The following PRG4 variants were observed in gnomAD, a reference collection of about 807,000 sequenced individuals.
The protein encoded by PRG4 is proteoglycan 4.
PRG4 carries 61 observed loss-of-function variants against 91.2 expected under a neutral mutation model. The ratio of observed to expected loss-of-function variants is 0.67; its 90% CI spans 0.54 to 0.83. The LOEUF is 0.83. Among genes scored for constraint, PRG4 ranks in the 40% least tolerant of loss-of-function variants. The probability of loss-of-function intolerance (pLI) is 0.00; values close to 1 mark genes in which losing one functional copy is unlikely to be tolerated. For synonymous variants in PRG4, 576 were observed against 614.2 expected, an observed-to-expected ratio of 0.94 and a Z score of 0.92; for missense variants, 1,564 against 1,714.2, an observed-to-expected ratio of 0.91 and a Z score of 1.55.
intron 7 of PRG4, 115 bp from the exon 8 acceptor site, chr1:186,309,678 T>C: frequency 3.7e-6 from 3 of 802,650 alleles, no homozygotes; most frequent in Middle Eastern, 2.7e-4. Flanking sequence ...ACTGTGTCCT[T>C]CAAGATCTTA....
chr1:186,312,974 AATG>A lies in PRG4; in HGVS notation c.4117+85_4117+87del, dbSNP rs1370335581. 7.0e-5 allele frequency: 99 copies of A among 1,416,056 alleles called. 2 individuals carry two copies. The South Asian group carries it at 1.0e-3, about 15-fold the overall frequency. The allele number at this position is 1,416,056 out of a possible 1,614,324, so 87.7% of individuals were successfully genotyped here. A position where few individuals can be genotyped will look rare whatever the true frequency, so the allele number is the denominator to read the frequency against. ...AAGATAAAGTAAAAATGCTGGCTGC[AATG>A]ATGACTGAATGTGAGAAGTTACACT... On this transcript the variant is annotated intron_variant, in intron 12 of 12. Transcript: ENST00000445192.
chr1:186,300,267 G>A (rs2102010092), intron 3 of PRG4, 54 bp downstream of exon 3: 2 of 1,611,128 alleles, frequency 1.2e-6, no homozygotes, highest in East Asian at 4.5e-5. Flanking sequence ...GAGTCTGTGA[G>A]TCCCCCCTTG....
At chr1:186,305,176 G>A (rs1019083596) in intron 6 of PRG4, among the ~76,000 whole-genome samples, 3 of 152,200 alleles carry the variant, frequency 2.0e-5, no homozygotes, top group African/African-American at 4.8e-5. Flanking sequence ...TGGCACCAGA[G>A]ATGATTATTG....
chr1:186,308,212 C>G lies in PRG4; in HGVS notation c.2493C>G (p.Pro831=). ...CTAAGGAGACTGCTCCAACTACCCCCAAGGAGCCTGCACCCACTACCCCCA... is the reference window on the plus strand; with the variant it reads ...CTAAGGAGACTGCTCCAACTACCCCGAAGGAGCCTGCACCCACTACCCCCA... The part of the protein sequence containing the change: ...TTPKETAPTT[P]KEPAPTTPKK... Residue 831 remains proline (P), a synonymous_variant, in exon 7 of 13, where the codon CCC becomes CCG. Transcript: ENST00000445192. The G allele has an allele frequency of 6.2e-7, 1 of 1,610,504 alleles. No homozygotes were observed. The highest frequency in any genetic ancestry group is 8.5e-7 in the Non-Finnish European group (1 of 1,178,810).
chr1:186,304,870 C>T lies in PRG4; in HGVS notation c.546C>T (p.Ile182=). 6.2e-7 allele frequency: 1 copy of T among 1,613,148 alleles called. No individual in the cohort carries two copies. Among genetic ancestry groups the T allele is most frequent in the Non-Finnish European group, 8.5e-7 (1 of 1,179,358 alleles). Residue 182 remains isoleucine (I), a synonymous_variant, in exon 6 of 13, where the codon ATC becomes ATT. Transcript: ENST00000445192. ...CTTCTTCTTCAACAATTCGGAAAATCAAGTCTTCCAAAAATTCAGCTGCTA... is the reference window on the plus strand; with the variant it reads ...CTTCTTCTTCAACAATTCGGAAAATTAAGTCTTCCAAAAATTCAGCTGCTA... The part of the protein sequence containing the change: ...SSSSSSTIRK[I]KSSKNSAANR...
Position 186,312,274 on chromosome 1 carries a change from A to T in PRG4, c.3893A>T (p.Gln1298Leu), listed in dbSNP as rs1183788810. The change falls in exon 11 of 13, where the codon CAG becomes CTG. Residue 1298 changes from glutamine to leucine, a missense_variant. This residue lies in a region of PRG4 where 1,079 missense variants were observed against 1,162.2 expected (regional missense o/e 0.93). Coordinates refer to ENST00000445192, the MANE Select transcript of PRG4 (RefSeq NM_005807.6). Reference protein sequence around the residue: ...LNYPVYGETTQVRRRRFERAI... With the variant: ...LNYPVYGETTLVRRRRFERAI... ...TATCCAGTGTATGGAGAAACGACAC[A>T]GGTTAGGAGACGTCGCTTTGAACGT... 1.9e-6 allele frequency: 3 copies of T among 1,614,026 alleles called. No homozygotes were observed. The highest frequency in any genetic ancestry group is 2.5e-6 in the Non-Finnish European group (3 of 1,179,944).
In PRG4 at chr1:186,304,789, T is replaced by C. The variant is rs1656442357; in HGVS notation, c.470-5T>C. 1.2e-6 allele frequency: 2 copies of C among 1,610,870 alleles called. No homozygotes were observed. The highest frequency in any genetic ancestry group is 4.5e-5 in the East Asian group (2 of 44,778). The stretch of plus-strand genomic sequence containing the variant: ...GTGTGATCAAACTTTCTATTTGATT[T>C]ATAGAACATTCTGTTTCTGAAAATC... On this transcript the variant is annotated splice_region_variant and splice_polypyrimidine_tract_variant and intron_variant, in intron 5 of 12. Transcript: ENST00000445192.
Position 186,312,174 on chromosome 1 carries a change from G to A in PRG4, c.3794-1G>A. ...CCATGTGATATTCTAATACATAACA[G>A]GTGGCAGCATTCAGCAGTATATTTA... On this transcript the variant is annotated splice_acceptor_variant, in intron 10 of 12. Transcript: ENST00000445192. LOFTEE classifies it high-confidence loss of function. 6.2e-7 allele frequency: 1 copy of A among 1,613,222 alleles called. No homozygotes were observed. Among genetic ancestry groups the A allele is most frequent in the African/African-American group, 1.3e-5 (1 of 74,978 alleles).
rs758273870 is a variant in PRG4 at position 186,313,789 on chromosome 1, A to G, written c.*11A>G. On this transcript the variant is annotated 3_prime_UTR_variant, in exon 13 of 13. Coordinates refer to ENST00000445192, the MANE Select transcript of PRG4 (RefSeq NM_005807.6). Reference sequence around the variant, plus strand: ...TACAACTGTCCTTAGACTGATGAGCAAAGGAGGAGTCAACTAATGAAGAAA... The same window carrying G: ...TACAACTGTCCTTAGACTGATGAGCGAAGGAGGAGTCAACTAATGAAGAAA... 103 of 1,570,132 alleles carry G rather than the reference A, an allele frequency of 6.6e-5. No homozygotes were observed. The highest frequency in any genetic ancestry group is 8.4e-5 in the Non-Finnish European group (96 of 1,140,154).
Position 186,309,013 on chromosome 1 carries a change from T to C in PRG4, c.3294T>C (p.Gly1098=). The C allele has an allele frequency of 6.2e-7, 1 of 1,611,152 alleles. No homozygotes were observed. The highest frequency in any genetic ancestry group is 8.5e-7 in the Non-Finnish European group (1 of 1,178,156). Residue 1098 remains glycine, a synonymous_variant, in exon 7 of 13, where the codon GGT becomes GGC. Coordinates refer to ENST00000445192, the MANE Select transcript of PRG4 (RefSeq NM_005807.6). The part of the protein sequence containing the change: ...VEVNPKSEDA[G]GAEGETPHML... ...TAAATCCAAAGAGTGAAGATGCAGGTGGTGCTGAAGGAGAAACACCTCATA... is the reference window on the plus strand; with the variant it reads ...TAAATCCAAAGAGTGAAGATGCAGGCGGTGCTGAAGGAGAAACACCTCATA...
chr1:186,302,219 C>T (rs1018966468), intron 4 of PRG4, among the ~76,000 whole-genome samples: 3 of 152,188 alleles, frequency 2.0e-5, no homozygotes, highest in Non-Finnish European at 2.9e-5. Context: ...CTACCTAACA[C>T]GTTGTTAACT....
chr1:186,312,624 C>G (rs1657350109), intron 11 of PRG4, 145 bp from the exon 12 acceptor site: 1 of 904,992 alleles, frequency 1.1e-6, no homozygotes, highest in African/African-American at 1.7e-5. Context: ...TACTTCTTAC[C>G]AAGAACATTA....
At chr1:186,310,686 GA>G (rs1371790511) in intron 8 of PRG4, among the ~76,000 whole-genome samples, 1 of 129,660 alleles carries the variant, frequency 7.7e-6, no homozygotes, top group Admixed American at 7.4e-5. Context: ...TTTTTTTGTA[GA>G]GACAGGGTTT....
intron 3 of PRG4, among the ~76,000 whole-genome samples, chr1:186,300,720 G>C (rs548534375): frequency 6.6e-6 from 1 of 152,314 alleles, no homozygotes; most frequent in East Asian, 1.9e-4. Context: ...AAGATAAAGT[G>C]CTAGTGTTTA....
At chr1:186,303,714 A>G (rs188149483) in intron 4 of PRG4, among the ~76,000 whole-genome samples, 1 of 152,320 alleles carries the variant, frequency 6.6e-6, no homozygotes, top group Non-Finnish European at 1.5e-5. Context: ...AAACAGAAAA[A>G]AATGAATACT....
rs1452703126 is a variant in PRG4 at position 186,304,811 on chromosome 1, A to C, written c.487A>C (p.Asn163His). The C allele has an allele frequency of 6.2e-7, 1 of 1,612,082 alleles. No homozygotes were observed. Among genetic ancestry groups the C allele is most frequent in the Non-Finnish European group, 8.5e-7 (1 of 1,178,468 alleles). Residue 163 changes from asparagine to histidine, a missense_variant, in exon 6 of 13, where the codon AAT (asparagine) becomes CAT (histidine). By Grantham distance (68) the Asn-to-His change is moderately conservative (BLOSUM62 1). Transcript: ENST00000445192. ...ATTTATAGAACATTCTGTTTCTGAA[A>C]ATCAAGAGTCCTCCTCCTCCTCCTC... ...EITEEHSVSE[N>H]QESSSSSSSS...
At chr1:186,300,062 AT>A in intron 2 of PRG4, 28 bp from the exon 3 acceptor site, 10 of 1,613,550 alleles carry the variant, frequency 6.2e-6, no homozygotes, top group Non-Finnish European at 8.5e-6. Flanking sequence ...TGGTTTGGCC[AT>A]ATTTACGCCA....
In PRG4 at chr1:186,309,088, T is replaced by A. The variant is rs776057648; in HGVS notation, c.3369T>A (p.Asp1123Glu). 1.9e-6 allele frequency: 3 copies of A among 1,613,990 alleles called. No homozygotes were observed. In the East Asian group the frequency reaches 6.7e-5, roughly 36 times the overall value. Residue 1123 changes from aspartate to glutamate, a missense_variant, in exon 7 of 13, where the codon GAT (aspartate) becomes GAA (glutamate). Transcript: ENST00000445192. Reference protein sequence around the residue: ...VFMPEVTPDMDYLPRVPNQGI... With the variant: ...VFMPEVTPDMEYLPRVPNQGI... ...TGCCTGAAGTTACTCCCGACATGGA[T>A]TACTTACCGAGAGTACCCAATCAAG...
rs1657396256 is a variant in PRG4 at position 186,312,992 on chromosome 1, G to C, written c.4117+98G>C. 6 of 1,273,194 alleles carry C rather than the reference G, an allele frequency of 4.7e-6. No individual in the cohort carries two copies. The East Asian group carries it at 1.2e-4, about 25-fold the overall frequency. The allele number at this position is 1,273,194 out of a possible 1,614,324, so 78.9% of individuals were successfully genotyped here. A position where few individuals can be genotyped will look rare whatever the true frequency, so the allele number is the denominator to read the frequency against. ...TGGCTGCAATGATGACTGAATGTGA[G>C]AAGTTACACTACGGTACTTATTCTA... is the stretch of plus-strand genomic sequence containing the variant. On this transcript the variant is annotated intron_variant, in intron 12 of 12. Coordinates refer to ENST00000445192, the MANE Select transcript of PRG4 (RefSeq NM_005807.6).
Sources: allele counts gnomAD v4.1 joint callset (sites outside exome capture counted in the v4.1 genomes callset), GRCh38; gene constraint gnomAD v4.1.1; regional missense constraint gnomAD v4.1.1; transcripts MANE v1.5; gene names NCBI Gene and HGNC (gene_info 2026-07-23, HGNC 2026-07-21).